Variants in FAM13A observed in about 807,000 individuals in gnomAD.
FAM13A encodes family with sequence similarity 13 member A, also known as protein FAM13A.
A neutral mutation model predicts 129.6 loss-of-function variants in FAM13A; 76 were observed. The ratio of observed to expected loss-of-function variants is 0.59; its 90% CI spans 0.49 to 0.71. The LOEUF (loss-of-function observed/expected upper bound fraction) is 0.71. Among genes scored for constraint, FAM13A ranks in the 30% least tolerant of loss-of-function variants. The probability of loss-of-function intolerance (pLI) is 0.00; values close to 1 mark genes in which losing one functional copy is unlikely to be tolerated. For missense variants in FAM13A, 1,108 were observed against 1,249.3 expected (o/e 0.89, Z 1.70); for synonymous variants, 443 against 449.9 (o/e 0.98, Z 0.20).
intron 5 of FAM13A, among the ~76,000 whole-genome samples, chr4:88,925,205 G>A (rs1216244794): frequency 6.6e-6 from 1 of 152,142 alleles, no homozygotes; most frequent in Non-Finnish European, 1.5e-5. Context: ...CCATTAGTGG[G>A]TATATACTCA....
In FAM13A at chr4:88,746,425, G is replaced by A. The variant is rs537110573; in HGVS notation, c.2466+507C>T. 3.9e-5 allele frequency among the ~76,000 whole-genome samples: 6 copies of A among 152,316 alleles called. No homozygotes were observed. In the South Asian group the frequency reaches 1.2e-3, roughly 32 times the overall value. On this transcript the variant is annotated intron_variant, in intron 19 of 23. Coordinates refer to ENST00000264344, the MANE Select transcript of FAM13A (RefSeq NM_014883.4). ...CAAAGCCATATTTTGGATTCCTCAC[G>A]CTTCTGGTTCTGAACGGCAGCTGGA...
chr4:88,767,568 G>A lies in FAM13A; in HGVS notation c.1563C>T (p.His521=), dbSNP rs1347103601. ...AGCTACTCACCTCAAAATGCTGAGT[G>A]TGTCCACCATCTTTTTCATTTCCTT... The part of the protein sequence containing the change: ...ERKGNEKDGG[H]TQHFESPTMK... Residue 521 remains histidine (H), a synonymous_variant, in exon 13 of 24, where the codon CAC becomes CAT. Coordinates refer to ENST00000264344, the MANE Select transcript of FAM13A (RefSeq NM_014883.4). 2.5e-6 allele frequency: 4 copies of A among 1,603,722 alleles called. No homozygotes were observed. The African/African-American group carries it at 5.4e-5, about 22-fold the overall frequency.
At chr4:89,034,613 G>A (rs1194043467) in intron 1 of FAM13A, among the ~76,000 whole-genome samples, 2 of 152,208 alleles carry the variant, frequency 1.3e-5, no homozygotes, top group Non-Finnish European at 2.9e-5. Context: ...TGGGCACGGT[G>A]GCTCATGCCT....
chr4:88,867,578 T>C (rs1056453527), intron 6 of FAM13A, among the ~76,000 whole-genome samples: 2 of 152,236 alleles, frequency 1.3e-5, no homozygotes, highest in African/African-American at 4.8e-5. Flanking sequence ...GTATTGACTT[T>C]GGGGTTACCA....
chr4:88,870,840 T>C (rs970732565), intron 6 of FAM13A, among the ~76,000 whole-genome samples: 1 of 152,192 alleles, frequency 6.6e-6, no homozygotes, highest in Admixed American at 6.5e-5. Flanking sequence ...CAGAACTCTG[T>C]GTAGCCTAAC....
intron 4 of FAM13A, among the ~76,000 whole-genome samples, chr4:88,982,414 C>T (rs1273053885): frequency 1.3e-5 from 2 of 152,220 alleles, no homozygotes; most frequent in South Asian, 2.1e-4. Context: ...TGGATTCTAA[C>T]TCTGCCAATT....
chr4:88,747,371 G>A (rs559486218), intron 18 of FAM13A, among the ~76,000 whole-genome samples: 10 of 152,316 alleles, frequency 6.6e-5, no homozygotes, highest in Admixed American at 4.6e-4. Flanking sequence ...CTACCTCAGA[G>A]TCACAAAACC....
intron 11 of FAM13A, among the ~76,000 whole-genome samples, chr4:88,773,483 T>C (rs1578587497): frequency 6.6e-6 from 1 of 152,316 alleles, no homozygotes; most frequent in South Asian, 2.1e-4. Context: ...AATTTCTTTA[T>C]TCTAATTTTC....
chr4:88,973,256 T>C (rs749109331), intron 4 of FAM13A, among the ~76,000 whole-genome samples: 18 of 152,118 alleles, frequency 1.2e-4, no homozygotes, highest in Admixed American at 7.9e-4. Context: ...CTTTCTCTAT[T>C]TCTTCTACTT....
At chr4:89,035,840 C>A (rs887044814) in intron 1 of FAM13A, among the ~76,000 whole-genome samples, 1 of 152,212 alleles carries the variant, frequency 6.6e-6, no homozygotes, top group African/African-American at 2.4e-5. Context: ...GTCTCCCAAG[C>A]CTTGTATCCT....
chr4:88,803,630 T>A (rs762911614), intron 8 of FAM13A, among the ~76,000 whole-genome samples: 1 of 152,200 alleles, frequency 6.6e-6, no homozygotes, highest in Non-Finnish European at 1.5e-5. Context: ...TTCACAGGAA[T>A]TGCATAGTTG....
chr4:88,892,086 A>C (rs1745407818), intron 6 of FAM13A, among the ~76,000 whole-genome samples: 1 of 151,810 alleles, frequency 6.6e-6, no homozygotes, highest in Non-Finnish European at 1.5e-5. Flanking sequence ...AGGCAGGCAG[A>C]TCATTTAAAC....
At chr4:88,944,907 A>G (rs1369692536) in intron 4 of FAM13A, among the ~76,000 whole-genome samples, 1 of 151,834 alleles carries the variant, frequency 6.6e-6, no homozygotes, top group Non-Finnish European at 1.5e-5. Flanking sequence ...CTGTCTCAAA[A>G]AAAAAAAAAA....
At chr4:88,746,507 A>T (rs1741368222) in intron 19 of FAM13A, among the ~76,000 whole-genome samples, 1 of 152,190 alleles carries the variant, frequency 6.6e-6, no homozygotes, top group Non-Finnish European at 1.5e-5. Context: ...TCTAAGGCAG[A>T]TCATTCTAGT....
intron 1 of FAM13A, among the ~76,000 whole-genome samples, chr4:89,037,779 G>C (rs1468420897): frequency 6.6e-6 from 1 of 152,136 alleles, no homozygotes; most frequent in Admixed American, 6.5e-5. Context: ...GTTCTCACAA[G>C]ATCTGGTTGT....
chr4:89,003,552 G>A (rs557226749), intron 3 of FAM13A, among the ~76,000 whole-genome samples: 16 of 152,138 alleles, frequency 1.1e-4, no homozygotes, highest in Non-Finnish European at 2.2e-4. Flanking sequence ...GGGAGGTGGA[G>A]GTTGCAGTAA....
At chr4:89,046,234 A>C (rs1158357070) in intron 1 of FAM13A, among the ~76,000 whole-genome samples, 1 of 152,004 alleles carries the variant, frequency 6.6e-6, no homozygotes, top group Non-Finnish European at 1.5e-5. Context: ...CCAGCAAAAA[A>C]ATTAAAAATA....
chr4:88,788,826 A>G (rs945501063), intron 9 of FAM13A, among the ~76,000 whole-genome samples: 3 of 152,168 alleles, frequency 2.0e-5, no homozygotes, highest in Non-Finnish European at 4.4e-5. Flanking sequence ...AGTAGCATTT[A>G]CTTAAATAAA....
At chr4:88,915,954 G>A (rs1468346643) in intron 5 of FAM13A, among the ~76,000 whole-genome samples, 1 of 152,062 alleles carries the variant, frequency 6.6e-6, no homozygotes, top group South Asian at 2.1e-4. Context: ...GCAGCCTGAC[G>A]CCCTTGCCAG....
Sources: allele counts gnomAD v4.1 joint callset (sites outside exome capture counted in the v4.1 genomes callset), GRCh38; gene constraint gnomAD v4.1.1; transcripts MANE v1.5; gene names NCBI Gene and HGNC (gene_info 2026-07-23, HGNC 2026-07-21).